Variants in GPC5 observed in about 807,000 individuals in gnomAD.
The protein encoded by GPC5 is glypican 5, also known as glypican-5.
In GPC5, 47 loss-of-function variants were observed where a neutral mutation model predicts 53.9. The observed-to-expected ratio is 0.87, with a 90% CI of 0.69 to 1.11. GPC5 has a LOEUF of 1.11. GPC5 is among the 50% of genes most tolerant of loss of function. The probability of loss-of-function intolerance (pLI) is 0.00; values close to 1 mark genes in which losing one functional copy is unlikely to be tolerated. For synonymous variants in GPC5, 286 were observed against 263.3 expected, an observed-to-expected ratio of 1.09 and a Z score of -0.84; for missense variants, 748 against 713.1, an observed-to-expected ratio of 1.05 and a Z score of -0.56.
At chr13:92,531,232 C>T (rs1881553374) in intron 7 of GPC5, among the ~76,000 whole-genome samples, 1 of 151,936 alleles carries the variant, frequency 6.6e-6, no homozygotes, top group East Asian at 1.9e-4. Flanking sequence ...AGCAATCATA[C>T]CCATGTAATA....
intron 7 of GPC5, among the ~76,000 whole-genome samples, chr13:92,540,460 C>A (rs1383125673): frequency 6.6e-6 from 1 of 151,828 alleles, no homozygotes; most frequent in African/African-American, 2.4e-5. Context: ...ATAGGGGATA[C>A]AAGTTATTTT....
chr13:91,762,480 C>T (rs1201321039), intron 5 of GPC5, among the ~76,000 whole-genome samples: 1 of 151,912 alleles, frequency 6.6e-6, no homozygotes, highest in Admixed American at 6.6e-5. Context: ...TCAGGATTGT[C>T]TGAATTTCTG....
At chr13:92,078,849 G>A (rs2041272894) in intron 6 of GPC5, among the ~76,000 whole-genome samples, 1 of 152,030 alleles carries the variant, frequency 6.6e-6, no homozygotes, top group Admixed American at 6.6e-5. Flanking sequence ...TTATGTTCAG[G>A]ATAACACTAT....
At chr13:91,906,985 T>A (rs2039559614) in intron 5 of GPC5, among the ~76,000 whole-genome samples, 1 of 149,890 alleles carries the variant, frequency 6.7e-6, no homozygotes, top group African/African-American at 2.4e-5. Context: ...ATATTTTTTA[T>A]ATATTTTATA....
chr13:92,366,472 T>G (rs906126557), intron 7 of GPC5, among the ~76,000 whole-genome samples: 8 of 151,824 alleles, frequency 5.3e-5, no homozygotes, highest in African/African-American at 1.9e-4. Flanking sequence ...CTAATGGCAA[T>G]CTACAGTAAC....
chr13:92,253,867 A>G (rs1481055573), intron 7 of GPC5, among the ~76,000 whole-genome samples: 3 of 152,100 alleles, frequency 2.0e-5, no homozygotes, highest in Non-Finnish European at 2.9e-5. Context: ...TAGGGTCCCA[A>G]AAGGAATAAA....
At chr13:92,431,973 A>G (rs772701965) in intron 7 of GPC5, among the ~76,000 whole-genome samples, 2 of 152,204 alleles carry the variant, frequency 1.3e-5, no homozygotes, top group Non-Finnish European at 2.9e-5. Flanking sequence ...ACTTGGTGCA[A>G]TGGACTGAAT....
intron 7 of GPC5, among the ~76,000 whole-genome samples, chr13:92,252,322 G>T (rs115427789): frequency 1.8e-3 from 276 of 152,118 alleles, no homozygotes; most frequent in African/African-American, 6.4e-3. Flanking sequence ...ATAAACTATA[G>T]ATAACTCATT....
At chr13:92,487,546 A>G (rs1244058687) in intron 7 of GPC5, among the ~76,000 whole-genome samples, 1 of 152,196 alleles carries the variant, frequency 6.6e-6, no homozygotes, top group Non-Finnish European at 1.5e-5. Context: ...AAGAAGCCTC[A>G]ATATATTTCA....
intron 2 of GPC5, among the ~76,000 whole-genome samples, chr13:91,458,896 A>G (rs1214090230): frequency 6.6e-6 from 1 of 152,130 alleles, no homozygotes; most frequent in African/African-American, 2.4e-5. Context: ...GGTACAAAAT[A>G]ATGGCATTTG....
At chr13:92,832,541 T>A (rs143919713) in intron 7 of GPC5, among the ~76,000 whole-genome samples, 2 of 152,194 alleles carry the variant, frequency 1.3e-5, no homozygotes, top group Non-Finnish European at 2.9e-5. Flanking sequence ...GGAGTTACTG[T>A]ATCTTAATGT....
At chr13:92,815,418 A>G (rs960847889) in intron 7 of GPC5, among the ~76,000 whole-genome samples, 1 of 152,008 alleles carries the variant, frequency 6.6e-6, no homozygotes, top group Admixed American at 6.5e-5. Flanking sequence ...AGTTTTTTGT[A>G]TTAGAGGAAG....
chr13:92,351,807 A>G (rs930223787), intron 7 of GPC5, among the ~76,000 whole-genome samples: 1 of 152,212 alleles, frequency 6.6e-6, no homozygotes, highest in Non-Finnish European at 1.5e-5. Context: ...TGATGTAAAA[A>G]ATACAGAGAA....
rs75126016 is a variant in GPC5 at position 91,512,246 on chromosome 13, G to A, written c.325+63324G>A. ...AGCAAATTTCTCTGCTTTACGTAGT[G>A]CAGCTGGTAGTATTTGGAGAACTTG... On this transcript the variant is annotated intron_variant, in intron 2 of 7. Transcript: ENST00000377067. Among the ~76,000 whole-genome samples the A allele has an allele frequency of 2.3e-3, 349 of 152,318 alleles. 2 individuals are homozygous for A. Among genetic ancestry groups the A allele is most frequent in the African/African-American group, 8.0e-3 (333 of 41,570 alleles).
At chr13:91,476,427 A>G (rs867223491) in intron 2 of GPC5, among the ~76,000 whole-genome samples, 1 of 152,336 alleles carries the variant, frequency 6.6e-6, no homozygotes, top group Middle Eastern at 3.4e-3. Flanking sequence ...AAACCCAAAT[A>G]TCCTTCTTAC....
Position 92,647,359 on chromosome 13 carries a change from C to T in GPC5, c.1562-218923C>T, listed in dbSNP as rs149731069. On this transcript the variant is annotated intron_variant, in intron 7 of 7. Coordinates refer to ENST00000377067, the MANE Select transcript of GPC5 (RefSeq NM_004466.6). ...GTGCATTTCTGCATGTATTGAGATC[C>T]TCCAGGTGCTTCGATGTCAGTGCTC... Among the ~76,000 whole-genome samples the T allele has an allele frequency of 8.7e-3, 1,318 of 152,138 alleles. 21 individuals are homozygous for T. The highest frequency in any genetic ancestry group is 0.03 in the African/African-American group (1,250 of 41,510).
At chr13:91,590,462 T>C (rs1398179646) in intron 2 of GPC5, among the ~76,000 whole-genome samples, 2 of 152,174 alleles carry the variant, frequency 1.3e-5, no homozygotes, top group African/African-American at 4.8e-5. Flanking sequence ...AATAAACTAA[T>C]GCCATGCCTG....
chr13:92,496,630 G>A (rs1273633961), intron 7 of GPC5, among the ~76,000 whole-genome samples: 1 of 152,166 alleles, frequency 6.6e-6, no homozygotes, highest in Non-Finnish European at 1.5e-5. Flanking sequence ...AGTCTTGGGT[G>A]TGGATTGACG....
intron 6 of GPC5, among the ~76,000 whole-genome samples, chr13:92,099,304 C>A: frequency 6.6e-6 from 1 of 152,102 alleles, no homozygotes; most frequent in East Asian, 1.9e-4. Context: ...TAAAGCTATC[C>A]GTACATGGCT....
Sources: allele counts gnomAD v4.1 joint callset (sites outside exome capture counted in the v4.1 genomes callset), GRCh38; gene constraint gnomAD v4.1.1; transcripts MANE v1.5; gene names NCBI Gene and HGNC (gene_info 2026-07-23, HGNC 2026-07-21).